The following DIP2C variants were observed in gnomAD, a reference collection of about 807,000 sequenced individuals.
The protein encoded by DIP2C is DIP2 acetate--CoA ligase C (putative), also known as disco-interacting protein 2 homolog C.
DIP2C carries 33 observed loss-of-function variants against 192.4 expected under a neutral mutation model. That is an observed-to-expected ratio of 0.17 (90% CI 0.13 to 0.23). The LOEUF is 0.23. Among genes scored for constraint, DIP2C ranks in the 10% least tolerant of loss-of-function variants. The pLI, the probability that DIP2C is intolerant of heterozygous loss-of-function variation, is 1.00. For synonymous variants in DIP2C, 979 were observed against 864.1 expected (o/e 1.13, Z -2.33); for missense variants, 1,537 against 2,110.1 (o/e 0.73, Z 5.32).
chr10:378,604 AACAGACATGCATAAAGACACACGAAC>A (rs1361055647), intron 17 of DIP2C, among the ~76,000 whole-genome samples: 17 of 151,392 alleles, frequency 1.1e-4, no homozygotes, highest in South Asian at 2.1e-4. Context: ...GACACACATG[AACAGACATGCATAAAGACACACGAAC>A]ACAGACATGC....
intron 1 of DIP2C, among the ~76,000 whole-genome samples, chr10:510,397 G>A (rs1187320158): frequency 6.6e-6 from 1 of 152,194 alleles, no homozygotes; most frequent in Non-Finnish European, 1.5e-5. Flanking sequence ...CTTCTCTCCT[G>A]CACCTATATT....
At chr10:681,104 TG>T (rs1831115223) in intron 1 of DIP2C, among the ~76,000 whole-genome samples, 1 of 150,654 alleles carries the variant, frequency 6.6e-6, no homozygotes, top group Non-Finnish European at 1.5e-5. Flanking sequence ...CCACCATCTA[TG>T]GCCACAGAAA....
chr10:643,887 G>C (rs1392757106), intron 1 of DIP2C, among the ~76,000 whole-genome samples: 1 of 152,230 alleles, frequency 6.6e-6, no homozygotes, highest in African/African-American at 2.4e-5. Context: ...CTTCACAGAC[G>C]TATGAGGGTG....
chr10:562,393 T>G (rs533204770), intron 1 of DIP2C, among the ~76,000 whole-genome samples: 137 of 152,364 alleles, frequency 9.0e-4, no homozygotes, highest in East Asian at 9.6e-4. Context: ...TCAAGGAGGA[T>G]AATGGCTCAC....
chr10:616,738 A>G (rs1853495386), intron 1 of DIP2C, among the ~76,000 whole-genome samples: 1 of 152,186 alleles, frequency 6.6e-6, no homozygotes, highest in African/African-American at 2.4e-5. Flanking sequence ...ACCTTCCTCA[A>G]AGTACCCAGG....
intron 1 of DIP2C, among the ~76,000 whole-genome samples, chr10:688,130 TA>T (rs1486430421): frequency 6.6e-6 from 1 of 152,102 alleles, no homozygotes; most frequent in African/African-American, 2.4e-5. Context: ...ACAATCTACT[TA>T]CCAGTTTACA....
chr10:335,113 TAAAA>T (rs1408494839), intron 29 of DIP2C, among the ~76,000 whole-genome samples: 1 of 152,218 alleles, frequency 6.6e-6, no homozygotes, highest in Admixed American at 6.5e-5. Flanking sequence ...GGTGTAATCT[TAAAA>T]AATATTTTGA....
At chr10:611,686 G>A (rs1473164548) in intron 1 of DIP2C, among the ~76,000 whole-genome samples, 1 of 152,048 alleles carries the variant, frequency 6.6e-6, no homozygotes, top group Non-Finnish European at 1.5e-5. Flanking sequence ...CCCACTCACT[G>A]AAAAATCATC....
chr10:457,481 CTA>C (rs767598581), intron 3 of DIP2C, among the ~76,000 whole-genome samples: 5 of 152,218 alleles, frequency 3.3e-5, no homozygotes, highest in Non-Finnish European at 5.9e-5. Context: ...CCAATCTATC[CTA>C]TATATTTCTG....
chr10:570,651 T>G (rs571540473), intron 1 of DIP2C, among the ~76,000 whole-genome samples: 2 of 152,326 alleles, frequency 1.3e-5, no homozygotes, highest in South Asian at 2.1e-4. Context: ...ACCTATCGCC[T>G]TTCTCACACA....
chr10:637,490 C>G (rs1281542383), intron 1 of DIP2C, among the ~76,000 whole-genome samples: 1 of 152,190 alleles, frequency 6.6e-6, no homozygotes, highest in South Asian at 2.1e-4. Context: ...GGTTCACAGA[C>G]GGCGCCTTCT....
chr10:341,963 G>A (rs765160320), intron 28 of DIP2C, among the ~76,000 whole-genome samples: 4 of 152,186 alleles, frequency 2.6e-5, no homozygotes, highest in Non-Finnish European at 5.9e-5. Flanking sequence ...TTTAGGACTG[G>A]CGACAACTGT....
intron 34 of DIP2C, among the ~76,000 whole-genome samples, chr10:285,216 G>A (rs1564505403): frequency 1.3e-5 from 2 of 152,142 alleles, no homozygotes; most frequent in African/African-American, 4.8e-5. Context: ...GAGAACTGGG[G>A]AGGGCTTGCT....
intron 17 of DIP2C, among the ~76,000 whole-genome samples, chr10:375,484 A>G (rs1372418335): frequency 6.6e-6 from 1 of 152,180 alleles, no homozygotes. Flanking sequence ...CAATGCAAAC[A>G]CACCAACAAA....
intron 1 of DIP2C, among the ~76,000 whole-genome samples, chr10:594,294 A>G (rs1243499881): frequency 6.6e-6 from 1 of 152,168 alleles, no homozygotes; most frequent in African/African-American, 2.4e-5. Flanking sequence ...ACACCTAAGA[A>G]TACTGCACAA....
chr10:410,112 T>C (rs114288626), intron 8 of DIP2C, among the ~76,000 whole-genome samples: 85 of 152,342 alleles, frequency 5.6e-4, no homozygotes, highest in African/African-American at 2.0e-3. Context: ...ACACCCTGAA[T>C]TAATTTCATA....
intron 29 of DIP2C, among the ~76,000 whole-genome samples, chr10:337,506 AGTCT>A (rs1957893356): frequency 7.9e-6 from 1 of 125,958 alleles, no homozygotes; most frequent in Admixed American, 8.4e-5. Flanking sequence ...AGGCCTAGAC[AGTCT>A]GTGTGTGTGT....
intron 9 of DIP2C, among the ~76,000 whole-genome samples, chr10:399,877 G>C (rs1564662821): frequency 6.6e-6 from 1 of 152,176 alleles, no homozygotes; most frequent in Non-Finnish European, 1.5e-5. Context: ...TGTGTTGTGG[G>C]CCCTGGCCCT....
rs1959083137 is a variant in DIP2C, at chr10:356,384, C to T, written c.2985+42G>A. 7 of 1,605,184 alleles carry T rather than the reference C, an allele frequency of 4.4e-6. No individual in the cohort carries two copies. The South Asian group carries it at 6.6e-5, about 15-fold the overall frequency. On this transcript the variant is annotated intron_variant, in intron 24 of 36. Coordinates refer to ENST00000280886, the MANE Select transcript of DIP2C (RefSeq NM_014974.3). ...GCGCTCCCAGGAACCAGGCTAGGCC[C>T]CTTGAGGCCAGTAGCCAGGGAAGGC...
Sources: allele counts gnomAD v4.1 joint callset (sites outside exome capture counted in the v4.1 genomes callset), GRCh38; gene constraint gnomAD v4.1.1; transcripts MANE v1.5; gene names NCBI Gene and HGNC (gene_info 2026-07-23, HGNC 2026-07-21).